The following BMAL2 variants were observed in gnomAD, a reference collection of about 807,000 sequenced individuals.
The protein encoded by BMAL2 is basic helix-loop-helix ARNT-like protein 2.
At chr12:27,404,897 C>T in the BMAL2 span, among the ~76,000 whole-genome samples, 3 of 152,196 alleles carry the variant, frequency 2.0e-5, no homozygotes, top group East Asian at 5.8e-4. Flanking sequence ...GTCACTCCCA[C>T]CCTAACACTG....
chr12:27,337,258 C>G, the BMAL2 span, among the ~76,000 whole-genome samples: 1 of 152,174 alleles, frequency 6.6e-6, no homozygotes, highest in Non-Finnish European at 1.5e-5. Context: ...AAGGTTAAGA[C>G]TATTGTGATA....
chr12:27,368,202 A>G, the BMAL2 span: 1 of 1,581,056 alleles, frequency 6.3e-7, no homozygotes, highest in Non-Finnish European at 8.6e-7. Flanking sequence ...TGATATGGAT[A>G]TGTACAAAGT....
At chr12:27,361,029 G>C in the BMAL2 span, among the ~76,000 whole-genome samples, 2 of 152,082 alleles carry the variant, frequency 1.3e-5, no homozygotes, top group Admixed American at 6.6e-5. Flanking sequence ...TATTGGCTAC[G>C]AAAGTAGGTA....
At chr12:27,384,449 G>A in the BMAL2 span, among the ~76,000 whole-genome samples, 1 of 152,072 alleles carries the variant, frequency 6.6e-6, no homozygotes, top group Non-Finnish European at 1.5e-5. Flanking sequence ...TTTCTTACTG[G>A]AAAATCTCAT....
the BMAL2 span, among the ~76,000 whole-genome samples, chr12:27,401,995 G>T: frequency 3.5e-4 from 53 of 152,246 alleles, no homozygotes; most frequent in African/African-American, 1.2e-3. Flanking sequence ...GTGCATTATT[G>T]TAAGAAATTG....
the BMAL2 span, among the ~76,000 whole-genome samples, chr12:27,384,385 T>A: frequency 6.6e-6 from 1 of 152,320 alleles, no homozygotes; most frequent in East Asian, 1.9e-4. Flanking sequence ...TATACATTTT[T>A]AAAATAATCT....
At chr12:27,393,666 A>T in the BMAL2 span, among the ~76,000 whole-genome samples, 1 of 152,198 alleles carries the variant, frequency 6.6e-6, no homozygotes, top group Non-Finnish European at 1.5e-5. Flanking sequence ...GATTGGGATA[A>T]ACCTGAGATC....
At chr12:27,425,235 T>C in the BMAL2 span, 20 of 152,308 alleles carry the variant, frequency 1.3e-4, no homozygotes, top group African/African-American at 4.8e-4. Flanking sequence ...TTATATTTTA[T>C]AATTACTCAT....
the BMAL2 span, among the ~76,000 whole-genome samples, chr12:27,369,552 A>G: frequency 2.6e-5 from 4 of 152,368 alleles, no homozygotes; most frequent in African/African-American, 4.8e-5. Context: ...TTTTTAGACT[A>G]TGTAGCTGTT....
chr12:27,411,525 G>C, the BMAL2 span, among the ~76,000 whole-genome samples: 1 of 152,024 alleles, frequency 6.6e-6, no homozygotes, highest in African/African-American at 2.4e-5. Context: ...GGCTGAGGTG[G>C]GAGGATCACT....
the BMAL2 span, among the ~76,000 whole-genome samples, chr12:27,368,799 T>G: frequency 6.6e-6 from 1 of 152,332 alleles, no homozygotes; most frequent in South Asian, 2.1e-4. Flanking sequence ...TAACCAACCC[T>G]TGGTTATCTG....
the BMAL2 span, among the ~76,000 whole-genome samples, chr12:27,362,326 C>T: frequency 6.6e-6 from 1 of 152,092 alleles, no homozygotes; most frequent in African/African-American, 2.4e-5. Flanking sequence ...CTGAACTGGT[C>T]CCATTTAGAG....
chr12:27,405,535 G>A, the BMAL2 span, among the ~76,000 whole-genome samples: 1 of 152,214 alleles, frequency 6.6e-6, no homozygotes, highest in African/African-American at 2.4e-5. Flanking sequence ...GCAGCTGAGG[G>A]TCCTGACTGT....
At chr12:27,363,827 A>G in the BMAL2 span, among the ~76,000 whole-genome samples, 2 of 152,162 alleles carry the variant, frequency 1.3e-5, no homozygotes, top group Admixed American at 6.5e-5. Context: ...ACATTTAACA[A>G]TCTTTTCCTT....
chr12:27,402,518 G>A, the BMAL2 span: 2 of 939,408 alleles, frequency 2.1e-6, no homozygotes, highest in East Asian at 5.1e-5. Flanking sequence ...AACATAAATG[G>A]GCCACAAATT....
the BMAL2 span, among the ~76,000 whole-genome samples, chr12:27,384,935 T>C: frequency 6.6e-6 from 1 of 152,198 alleles, no homozygotes; most frequent in African/African-American, 2.4e-5. Flanking sequence ...TAGCTCTTAA[T>C]GTGCATATTT....
At chr12:27,378,704 G>A in the BMAL2 span, among the ~76,000 whole-genome samples, 4 of 152,154 alleles carry the variant, frequency 2.6e-5, no homozygotes, top group Non-Finnish European at 2.9e-5. Context: ...AGGGGATTAG[G>A]TGACTGGATT....
the BMAL2 span, among the ~76,000 whole-genome samples, chr12:27,386,307 C>T: frequency 6.6e-6 from 1 of 152,112 alleles, no homozygotes; most frequent in Non-Finnish European, 1.5e-5. Flanking sequence ...TGTACATGCT[C>T]GTCAGTCGTA....
chr12:27,401,539 A>G, the BMAL2 span: 1 of 1,599,952 alleles, frequency 6.3e-7, no homozygotes, highest in Non-Finnish European at 8.5e-7. Flanking sequence ...CAGAGTAAGG[A>G]GAAAATACTT....
Sources: allele counts gnomAD v4.1 joint callset (sites outside exome capture counted in the v4.1 genomes callset), GRCh38; gene constraint gnomAD v4.1.1; transcripts MANE v1.5; gene names NCBI Gene and HGNC (gene_info 2026-07-23, HGNC 2026-07-21).